The following SLC5A6 variants were observed in gnomAD, a reference collection of about 807,000 sequenced individuals.
SLC5A6 encodes sodium-dependent multivitamin transporter.
Under a neutral mutation model 67.9 loss-of-function variants are expected in SLC5A6, and 31 were observed. That is an observed-to-expected ratio of 0.46 (90% confidence interval 0.34 to 0.62). The LOEUF is 0.62. SLC5A6 is among the 20% of genes least tolerant of loss of function. SLC5A6 has a pLI of 0.01. For missense variants in SLC5A6, 673 were observed against 812.8 expected (o/e 0.83, Z 2.09); for synonymous variants, 343 against 331.0 (o/e 1.04, Z -0.39).
chr2:27,208,769 G>A (rs72812720), intron 2 of SLC5A6: 10 of 152,756 alleles, frequency 6.5e-5, no homozygotes, highest in Non-Finnish European at 1.2e-4. Context: ...CAATGGCTGT[G>A]TTCCAAATGG....
At chr2:27,202,670 A>G in intron 12 of SLC5A6, 143 bp downstream of exon 12, 1 of 774,122 alleles carries the variant, frequency 1.3e-6, no homozygotes, top group Non-Finnish European at 2.3e-6. Context: ...AAGTCTGTTC[A>G]CAGTAAAGAC....
intron 7 of SLC5A6, 171 bp downstream of exon 7, chr2:27,205,179 G>T: frequency 1.4e-6 from 1 of 733,208 alleles, no homozygotes. Context: ...ATAAACACTA[G>T]CCGGGCACCT....
At chr2:27,212,298 G>C, upstream of SLC5A6, 1 of 1,551,064 alleles carries the variant, frequency 6.4e-7, no homozygotes, top group Non-Finnish European at 8.7e-7. Flanking sequence ...CGGGGAAGAG[G>C]GCCTGACGCG....
In SLC5A6 at chr2:27,201,818, G is replaced by A. The variant is rs371787240; in HGVS notation, c.1392C>T (p.Leu464=). 2.3e-5 allele frequency: 37 copies of A among 1,614,034 alleles called. No homozygotes were observed. Among genetic ancestry groups the A allele is most frequent in the Non-Finnish European group, 3.0e-5 (35 of 1,180,008 alleles). ...CGATGCCAATCCAGAAGGCCATGAC[G>A]AGCCCAGCCAACAGGCCCACAACAG... ...PGAVVGLLAG[L]VMAFWIGIGS... Residue 464 remains leucine, a synonymous_variant, in exon 14 of 17, where the codon CTC becomes CTT. Transcript: ENST00000310574.
chr2:27,203,970 A>G, intron 9 of SLC5A6, 103 bp from the exon 10 acceptor site: 1 of 803,258 alleles, frequency 1.2e-6, no homozygotes, highest in Non-Finnish European at 2.1e-6. Flanking sequence ...GAGTCTACCG[A>G]GACTGGGTGC....
chr2:27,203,232 C>T lies in SLC5A6; in HGVS notation c.1207+1G>A. On this transcript the variant is annotated splice_donor_variant, in intron 11 of 16. Transcript: ENST00000310574. LOFTEE classifies it high-confidence loss of function. The stretch of plus-strand genomic sequence containing the variant: ...GAAGAGATGAGGAAGCATAACCCCA[C>T]CAAGGCCTCTGGAAAGCATGATGGC... 1 of 1,614,158 alleles carries T rather than the reference C, an allele frequency of 6.2e-7. No homozygotes were observed. Among genetic ancestry groups the T allele is most frequent in the Non-Finnish European group, 8.5e-7 (1 of 1,180,020 alleles).
intron 11 of SLC5A6, 118 bp from the exon 12 acceptor site, chr2:27,202,998 AT>A: frequency 6.5e-7 from 1 of 1,543,882 alleles, no homozygotes. Flanking sequence ...AACAAAAGGC[AT>A]ATTACATCAC....
chr2:27,211,357 G>C (rs983726204), intron 2 of SLC5A6, 110 bp downstream of exon 2: 3 of 152,262 alleles, frequency 2.0e-5, no homozygotes, highest in African/African-American at 7.2e-5. Context: ...TCGGCTTTAA[G>C]GAGCTTTCTG....
Position 27,199,896 on chromosome 2 carries a change from T to G in SLC5A6, c.*540A>C, listed in dbSNP as rs989977278. 1.3e-5 allele frequency: 2 copies of G among 152,904 alleles called. No individual in the cohort carries two copies. Among genetic ancestry groups the G allele is most frequent in the African/African-American group, 4.8e-5 (2 of 41,418 alleles). 9.5% of individuals were successfully genotyped at this position (152,904 alleles called of 1,614,324 possible). Reference sequence around the variant, plus strand: ...AGGACCAGGGACACCAAAACCTCCCTCTTCAGAATGGAGGTAGACAGATAA... The same window carrying G: ...AGGACCAGGGACACCAAAACCTCCCGCTTCAGAATGGAGGTAGACAGATAA... On this transcript the variant is annotated 3_prime_UTR_variant, in exon 17 of 17. Transcript: ENST00000310574.
rs1674120463 is a variant in SLC5A6, at chr2:27,206,950, T to C, written c.394-8A>G. On this transcript the variant is annotated splice_polypyrimidine_tract_variant and splice_region_variant and intron_variant, in intron 3 of 16. Coordinates refer to ENST00000310574, the MANE Select transcript of SLC5A6 (RefSeq NM_021095.4). Reference sequence around the variant, plus strand: ...GAATCGAAGCTCCAGGTACTGGGTATACAGAAAAAAAGATTTTTCTCCTGA... The same window carrying C: ...GAATCGAAGCTCCAGGTACTGGGTACACAGAAAAAAAGATTTTTCTCCTGA... 2.5e-6 allele frequency: 4 copies of C among 1,609,900 alleles called. No individual in the cohort carries two copies. Among genetic ancestry groups the C allele is most frequent in the African/African-American group, 2.7e-5 (2 of 74,778 alleles).
In SLC5A6 at chr2:27,201,130, T is replaced by G; in HGVS notation, c.1649-17A>C. 1 of 1,586,884 alleles carries G rather than the reference T, an allele frequency of 6.3e-7. No individual in the cohort carries two copies. Among genetic ancestry groups the G allele is most frequent in the Non-Finnish European group, 8.6e-7 (1 of 1,157,696 alleles). Reference sequence around the variant, plus strand: ...GCATTCTCCCTGAATGGAAATGTGCTTCTGAGTCTCTGGGTGGAACCATCC... The same window carrying G: ...GCATTCTCCCTGAATGGAAATGTGCGTCTGAGTCTCTGGGTGGAACCATCC... On this transcript the variant is annotated splice_polypyrimidine_tract_variant and intron_variant, in intron 15 of 16. Coordinates refer to ENST00000310574, the MANE Select transcript of SLC5A6 (RefSeq NM_021095.4).
At chr2:27,200,954 T>C (rs1345627034) in intron 16 of SLC5A6, 44 bp downstream of exon 16, 6 of 1,255,526 alleles carry the variant, frequency 4.8e-6, no homozygotes, top group Admixed American at 1.8e-5. Flanking sequence ...CAGTGGCATC[T>C]GTGGAGAAGG....
At chr2:27,212,631 C>T, upstream of SLC5A6, 2 of 1,409,132 alleles carry the variant, frequency 1.4e-6, no homozygotes, top group Middle Eastern at 2.6e-4. Flanking sequence ...GTACTCACGT[C>T]GTGCAGGCCT....
At position 27,207,508 on chromosome 2, in the gene SLC5A6, C is replaced by T. The variant is rs989211393; in HGVS notation, c.143G>A (p.Cys48Tyr). 3.7e-6 allele frequency: 6 copies of T among 1,614,106 alleles called. No individual in the cohort carries two copies. In the African/African-American group the frequency reaches 8.0e-5, roughly 22 times the overall value. The change falls in exon 3 of 17, where the codon TGT (cysteine) becomes TAT (tyrosine). Residue 48 changes from cysteine to tyrosine, a missense_variant. Coordinates refer to ENST00000310574, the MANE Select transcript of SLC5A6 (RefSeq NM_021095.4). This position sits in a 1 kb window ranked among gnomAD's most constrained non-coding sequence, Gnocchi z 5.5. ...AACAGTATGCCGGCCCCAGCCACGA[C>T]AAGCATGGTAGAGCCCAATGGCAAG... is the stretch of plus-strand genomic sequence containing the variant. ...LSLAIGLYHACRGWGRHTVGE... is the reference protein window; with the variant it reads ...LSLAIGLYHAYRGWGRHTVGE...
chr2:27,207,779 G>T lies in SLC5A6; in HGVS notation c.-129C>A. The T allele has an allele frequency of 1.2e-6, 1 of 845,680 alleles. No homozygotes were observed. The highest frequency in any genetic ancestry group is 1.8e-6 in the Non-Finnish European group (1 of 549,748). The allele number at this position is 845,680 out of a possible 1,614,324, so 52.4% of individuals were successfully genotyped here. ...CAGTCTTCCTCCACGGAGTGATACT[G>T]TCCAGGGTGAGCTGCAAAGGAATTA... is the stretch of plus-strand genomic sequence containing the variant. On this transcript the variant is annotated 5_prime_UTR_variant, in exon 3 of 17. Transcript: ENST00000310574. This position sits in a 1 kb window ranked among gnomAD's most constrained non-coding sequence, Gnocchi z 5.5.
At chr2:27,203,968 C>T (rs536930298) in intron 9 of SLC5A6, 101 bp from the exon 10 acceptor site, 5 of 822,618 alleles carry the variant, frequency 6.1e-6, no homozygotes, top group East Asian at 2.7e-5. Flanking sequence ...GCGAGTCTAC[C>T]GAGACTGGGT....
upstream of SLC5A6, chr2:27,212,371 G>A: frequency 6.4e-7 from 1 of 1,550,414 alleles, no homozygotes; most frequent in South Asian, 1.2e-5. Context: ...AACGGAAAAT[G>A]GCGCCTCACG....
In SLC5A6 at chr2:27,201,817, C is replaced by T. The variant is rs202033325; in HGVS notation, c.1393G>A (p.Val465Ile). 1.1e-4 allele frequency: 180 copies of T among 1,614,132 alleles called. No individual in the cohort carries two copies. In the East Asian group the frequency reaches 1.6e-3, roughly 14 times the overall value. Residue 465 changes from valine (V) to isoleucine (I), a missense_variant, in exon 14 of 17, where the codon GTC becomes ATC. Val to Ile is a conservative substitution (Grantham distance 29, BLOSUM62 3). Transcript: ENST00000310574. Reference protein sequence around the residue: ...GAVVGLLAGLVMAFWIGIGSI... With the variant: ...GAVVGLLAGLIMAFWIGIGSI... ...CCGATGCCAATCCAGAAGGCCATGA[C>T]GAGCCCAGCCAACAGGCCCACAACA...
chr2:27,207,518 A>G lies in SLC5A6; in HGVS notation c.133T>C (p.Tyr45His). 1 of 1,614,230 alleles carries G rather than the reference A, an allele frequency of 6.2e-7. No homozygotes were observed. Among genetic ancestry groups the G allele is most frequent in the Non-Finnish European group, 8.5e-7 (1 of 1,180,040 alleles). The change falls in exon 3 of 17, where the codon TAC becomes CAC. Residue 45 changes from tyrosine (Y) to histidine (H), a missense_variant. Tyr to His is a moderately conservative substitution (Grantham distance 83). Coordinates refer to ENST00000310574, the MANE Select transcript of SLC5A6 (RefSeq NM_021095.4). The surrounding 1 kb of genome is among the most constrained non-coding windows in gnomAD (Gnocchi z 5.5). Reference protein sequence around the residue: ...LLVLSLAIGLYHACRGWGRHT... With the variant: ...LLVLSLAIGLHHACRGWGRHT... ...CGGCCCCAGCCACGACAAGCATGGT[A>G]GAGCCCAATGGCAAGAGAGAGAACC...
Sources: gnomAD v4.1 joint callset for allele counts on GRCh38, gnomAD v4.1.1 for gene constraint, Gnocchi (gnomAD v3.1) non-coding constraint, MANE v1.5 for transcripts, NCBI Gene and HGNC (gene_info 2026-07-23, HGNC 2026-07-21) for gene names.